The following SSH1 variants were observed in gnomAD, a reference collection of about 807,000 sequenced individuals.
SSH1 encodes the protein protein phosphatase Slingshot homolog 1.
Under a neutral mutation model 79.7 loss-of-function variants are expected in SSH1, and 43 were observed. That is an observed-to-expected ratio of 0.54 (90% CI 0.42 to 0.70). The LOEUF (loss-of-function observed/expected upper bound fraction) is 0.70, where lower values mean the gene tolerates loss of function less well. SSH1 is among the 30% of genes least tolerant of loss of function. SSH1 has a pLI of 0.00. For missense variants in SSH1, 1,206 were observed against 1,358.8 expected (o/e 0.89, Z 1.77); for synonymous variants, 599 against 538.3 (o/e 1.11, Z -1.56).
intron 13 of SSH1, among the ~76,000 whole-genome samples, chr12:108,796,240 C>T (rs897944907): frequency 5.9e-5 from 9 of 152,154 alleles, no homozygotes; most frequent in African/African-American, 2.2e-4. Context: ...TCTAAGTGTA[C>T]ATTAAATACA....
intron 3 of SSH1, among the ~76,000 whole-genome samples, chr12:108,822,293 C>T (rs999067985): frequency 2.0e-5 from 3 of 150,858 alleles, no homozygotes; most frequent in African/African-American, 7.3e-5. Context: ...GCCACCACGC[C>T]CAGCTAATTT....
chr12:108,826,571 G>C (rs1270208609), intron 2 of SSH1, among the ~76,000 whole-genome samples: 1 of 152,076 alleles, frequency 6.6e-6, no homozygotes. Flanking sequence ...CGCAGAGCAT[G>C]GTCAGTCACA....
Position 108,788,011 on chromosome 12 carries a change from G to A in SSH1, c.3127C>T (p.Pro1043Ser). ...GKPAPENLKS[P>S]SWMSKS The stretch of plus-strand genomic sequence containing the variant: ...GGTCAGCTTTTGCTCATCCACGAAG[G>A]GCTCTTTAAGTTTTCTGGGGCGGGT... The change falls in exon 15 of 15, where the codon CCT becomes TCT. Residue 1043 changes from proline (P) to serine (S), a missense_variant. By Grantham distance (74) the Pro-to-Ser change is moderately conservative. Around this residue, in one of 5 missense-constraint regions of SSH1, gnomAD observed 709 missense variants for 730.6 expected, o/e 0.97. Coordinates refer to ENST00000326495, the MANE Select transcript of SSH1 (RefSeq NM_018984.4). The A allele has an allele frequency of 6.2e-7, 1 of 1,614,106 alleles. No homozygotes were observed. Among genetic ancestry groups the A allele is most frequent in the Non-Finnish European group, 8.5e-7 (1 of 1,180,026 alleles).
In SSH1 at chr12:108,788,079, C is replaced by T. The variant is rs1195310225; in HGVS notation, c.3059G>A (p.Gly1020Glu). 1.9e-6 allele frequency: 3 copies of T among 1,613,968 alleles called. No homozygotes were observed. Among genetic ancestry groups the T allele is most frequent in the African/African-American group, 2.7e-5 (2 of 74,970 alleles). The change falls in exon 15 of 15, where the codon GGA becomes GAA. Residue 1020 changes from glycine to glutamate, a missense_variant. Physicochemically the swap from Gly to Glu is moderately conservative, Grantham distance 98 (BLOSUM62 -2). This residue lies in a region of SSH1 where 709 missense variants were observed against 730.6 expected (regional missense o/e 0.97). Coordinates refer to ENST00000326495, the MANE Select transcript of SSH1 (RefSeq NM_018984.4). ...GGTTGCAGCTGGGTCCCTCGGGGTT[C>T]CCTGGGGCTCATGCAAGAAGGAAGA... ...SESSFLHEPQ[G>E]TPRDPAATSK...
chr12:108,835,912 T>C (rs2038598031), intron 2 of SSH1, among the ~76,000 whole-genome samples: 1 of 137,116 alleles, frequency 7.3e-6, no homozygotes, highest in South Asian at 2.2e-4. Context: ...TATAATTAAT[T>C]ATAACTATAT....
At chr12:108,844,809 T>C (rs2137270487) in intron 2 of SSH1, among the ~76,000 whole-genome samples, 1 of 152,284 alleles carries the variant, frequency 6.6e-6, no homozygotes, top group Non-Finnish European at 1.5e-5. Context: ...TCTCCACAGC[T>C]GCAAGAAAAT....
At chr12:108,795,544 C>T (rs2036712119) in intron 13 of SSH1, among the ~76,000 whole-genome samples, 1 of 151,502 alleles carries the variant, frequency 6.6e-6, no homozygotes, top group South Asian at 2.1e-4. Context: ...GCCTGACCCT[C>T]AATTTTTTTT....
chr12:108,791,805 T>C, intron 14 of SSH1: 1 of 371,504 alleles, frequency 2.7e-6, no homozygotes, highest in Non-Finnish European at 4.1e-6. Context: ...ATATATATTT[T>C]TTAGATACAG....
chr12:108,853,776 T>C (rs1387813617), intron 1 of SSH1, among the ~76,000 whole-genome samples: 2 of 151,826 alleles, frequency 1.3e-5, no homozygotes, highest in African/African-American at 4.8e-5. Context: ...ATACAAAAAT[T>C]AGCCAGGCAC....
intron 2 of SSH1, among the ~76,000 whole-genome samples, chr12:108,838,457 C>T (rs961986546): frequency 6.6e-6 from 1 of 152,196 alleles, no homozygotes; most frequent in South Asian, 2.1e-4. Context: ...TTAGCATTTT[C>T]CTGCTCGGAG....
At chr12:108,815,147 T>A (rs2037825404) in intron 5 of SSH1, among the ~76,000 whole-genome samples, 1 of 152,104 alleles carries the variant, frequency 6.6e-6, no homozygotes, top group Non-Finnish European at 1.5e-5. Context: ...ATGAGTGGCA[T>A]CTACTCATTC....
At chr12:108,829,517 C>A (rs2038421920) in intron 2 of SSH1, among the ~76,000 whole-genome samples, 1 of 152,148 alleles carries the variant, frequency 6.6e-6, no homozygotes, top group Non-Finnish European at 1.5e-5. Context: ...GTAAGCCAAG[C>A]CAGCCCAAGC....
At chr12:108,855,975 C>A (rs2039135218) in intron 1 of SSH1, among the ~76,000 whole-genome samples, 2 of 152,312 alleles carry the variant, frequency 1.3e-5, no homozygotes, top group Non-Finnish European at 2.9e-5. Flanking sequence ...GGCTGTCAAG[C>A]CAAATGCAAA....
chr12:108,791,318 C>G (rs1200790912), intron 14 of SSH1, among the ~76,000 whole-genome samples: 1 of 152,146 alleles, frequency 6.6e-6, no homozygotes, highest in Non-Finnish European at 1.5e-5. Context: ...CCATGTTGGT[C>G]AGGATAGTTT....
intron 2 of SSH1, chr12:108,834,128 GA>G (rs1566011781): frequency 6.6e-6 from 1 of 152,122 alleles, no homozygotes; most frequent in Non-Finnish European, 1.5e-5. Flanking sequence ...AATATAGTTA[GA>G]AAACAGTATT....
chr12:108,805,788 T>C (rs1211934354), intron 9 of SSH1, among the ~76,000 whole-genome samples: 1 of 152,106 alleles, frequency 6.6e-6, no homozygotes, highest in Non-Finnish European at 1.5e-5. Context: ...ATTCATTGCA[T>C]GCTTTGAATA....
intron 13 of SSH1, among the ~76,000 whole-genome samples, chr12:108,797,281 C>A (rs2036792687): frequency 6.6e-6 from 1 of 151,996 alleles, no homozygotes. Flanking sequence ...TGCACGCCAC[C>A]ACGCTGGGCT....
Position 108,785,535 on chromosome 12 carries a change from C to T in SSH1, c.*2453G>A, listed in dbSNP as rs1475773305. The T allele has an allele frequency of 6.6e-6, 1 of 152,124 alleles. No homozygotes were observed. The highest frequency in any genetic ancestry group is 1.5e-5 in the Non-Finnish European group (1 of 68,024). The allele number at this position is 152,124 out of a possible 1,614,324, so 9.4% of individuals were successfully genotyped here. On this transcript the variant is annotated 3_prime_UTR_variant, in exon 15 of 15. Transcript: ENST00000326495. ...AGGCCAGGCTATTAAGCATCAAGTC[C>T]AGAATGCTTCACTCTGCTCTGTGGA...
At chr12:108,797,662 A>G (rs2036812777) in intron 13 of SSH1, among the ~76,000 whole-genome samples, 1 of 152,176 alleles carries the variant, frequency 6.6e-6, no homozygotes, top group East Asian at 1.9e-4. Context: ...ACTTTAGAAG[A>G]TGGAGGCTGG....
Sources: allele counts gnomAD v4.1 joint callset (sites outside exome capture counted in the v4.1 genomes callset), GRCh38; gene constraint gnomAD v4.1.1; regional missense constraint gnomAD v4.1.1; transcripts MANE v1.5; gene names NCBI Gene and HGNC (gene_info 2026-07-23, HGNC 2026-07-21).